GALNT18: variants seen among roughly 807,000 people sequenced by gnomAD.
GALNT18 encodes the protein GalNAc-transferase 18.
GALNT18 carries 44 observed loss-of-function variants against 69.5 expected under a neutral mutation model. The observed-to-expected ratio is 0.63, with a 90% CI of 0.50 to 0.81. The LOEUF (loss-of-function observed/expected upper bound fraction) is 0.81, where lower values mean the gene tolerates loss of function less well. Ranked by LOEUF, GALNT18 falls within the 40% of genes least tolerant of loss-of-function variation. The probability of loss-of-function intolerance (pLI) is 0.00; values close to 1 mark genes in which losing one functional copy is unlikely to be tolerated. For synonymous variants in GALNT18, 364 were observed against 318.2 expected (o/e 1.14, Z -1.53); for missense variants, 715 against 810.0 (o/e 0.88, Z 1.42).
chr11:11,608,436 T>C (rs1251766443), intron 1 of GALNT18, among the ~76,000 whole-genome samples: 1 of 152,016 alleles, frequency 6.6e-6, no homozygotes, highest in African/African-American at 2.4e-5. Context: ...CTCGGCTCAC[T>C]GCAACCTCCG....
chr11:11,478,781 A>C (rs980206046), intron 1 of GALNT18, among the ~76,000 whole-genome samples: 1 of 142,124 alleles, frequency 7.0e-6, no homozygotes, highest in African/African-American at 2.7e-5. Flanking sequence ...GAGCAGGCTG[A>C]CTCCTGCAAG....
chr11:11,335,463 G>A (rs1471548897), intron 7 of GALNT18, among the ~76,000 whole-genome samples: 1 of 152,168 alleles, frequency 6.6e-6, no homozygotes, highest in African/African-American at 2.4e-5. Context: ...CTCTGAGAAG[G>A]TCACCTTGGC....
chr11:11,535,575 C>T (rs1564999245), intron 1 of GALNT18, among the ~76,000 whole-genome samples: 1 of 152,136 alleles, frequency 6.6e-6, no homozygotes, highest in Non-Finnish European at 1.5e-5. Flanking sequence ...TAAGCTCATG[C>T]CAGCTCCTTC....
intron 6 of GALNT18, among the ~76,000 whole-genome samples, chr11:11,357,969 G>A (rs982369001): frequency 1.3e-5 from 2 of 152,166 alleles, no homozygotes; most frequent in African/African-American, 4.8e-5. Flanking sequence ...GCCTGTTTGA[G>A]TTCTGAAATG....
At chr11:11,385,319 A>G (rs973892547) in intron 3 of GALNT18, among the ~76,000 whole-genome samples, 37 of 148,956 alleles carry the variant, frequency 2.5e-4, no homozygotes, top group Admixed American at 4.0e-4. Flanking sequence ...TTTTTGAGAC[A>G]GAGTCTCGCT....
chr11:11,290,128 T>G (rs1313385898), intron 10 of GALNT18, among the ~76,000 whole-genome samples: 1 of 152,160 alleles, frequency 6.6e-6, no homozygotes, highest in African/African-American at 2.4e-5. Flanking sequence ...GATTGAGGAC[T>G]CCTGGTGATG....
intron 9 of GALNT18, among the ~76,000 whole-genome samples, chr11:11,324,397 G>A (rs1178527017): frequency 6.6e-6 from 1 of 152,182 alleles, no homozygotes; most frequent in Admixed American, 6.5e-5. Context: ...ACTGGCCATA[G>A]TCCAAGTGTC....
In GALNT18 at chr11:11,586,545, G is replaced by C. The variant is rs1384053666; in HGVS notation, c.235+34814C>G. 6.6e-6 allele frequency among the ~76,000 whole-genome samples: 1 copy of C among 152,130 alleles called. No homozygotes were observed. Among genetic ancestry groups the C allele is most frequent in the African/African-American group, 2.4e-5 (1 of 41,406 alleles). On this transcript the variant is annotated intron_variant, in intron 1 of 10. Coordinates refer to ENST00000227756, the MANE Select transcript of GALNT18 (RefSeq NM_198516.3). This position sits in a 1 kb window ranked among gnomAD's most constrained non-coding sequence, Gnocchi z 4.1. ...GCCTCTGTGAAGTGAGATCTTCCCTGTTGACAGGCAGAAACCACCAGGAAC... is the reference window on the plus strand; with the variant it reads ...GCCTCTGTGAAGTGAGATCTTCCCTCTTGACAGGCAGAAACCACCAGGAAC...
At chr11:11,551,869 G>C (rs2133970077) in intron 1 of GALNT18, among the ~76,000 whole-genome samples, 1 of 152,294 alleles carries the variant, frequency 6.6e-6, no homozygotes, top group East Asian at 1.9e-4. Flanking sequence ...TCTGCGAGCA[G>C]GGGGTGGATC....
At chr11:11,531,407 TCAGA>T (rs1372277579) in intron 1 of GALNT18, among the ~76,000 whole-genome samples, 2 of 152,180 alleles carry the variant, frequency 1.3e-5, no homozygotes, top group Non-Finnish European at 2.9e-5. Flanking sequence ...AGGAAGAAGC[TCAGA>T]CAATCTGTGC....
rs552090631 is a variant in GALNT18, at chr11:11,332,138, C to T, written c.1416+556G>A. 1.3e-5 allele frequency among the ~76,000 whole-genome samples: 2 copies of T among 152,252 alleles called. No homozygotes were observed. Among genetic ancestry groups the T allele is most frequent in the African/African-American group, 4.8e-5 (2 of 41,532 alleles). On this transcript the variant is annotated intron_variant, in intron 8 of 10. Transcript: ENST00000227756. The surrounding 1 kb of genome is among the most constrained non-coding windows in gnomAD (Gnocchi z 4.3). ...TAAGATTTGAACCAGGTCTGTCTAACTCCAAACCCTATGCTCTGCCCCCTC... is the reference window on the plus strand; with the variant it reads ...TAAGATTTGAACCAGGTCTGTCTAATTCCAAACCCTATGCTCTGCCCCCTC...
chr11:11,275,747 A>G (rs1848930384), intron 10 of GALNT18, among the ~76,000 whole-genome samples: 2 of 152,232 alleles, frequency 1.3e-5, no homozygotes, highest in African/African-American at 4.8e-5. Context: ...AGTTTTCTGC[A>G]TATGGCTAGC....
rs1850149701 is a variant in GALNT18 at position 11,338,439 on chromosome 11, T to G, written c.1278+2380A>C. On this transcript the variant is annotated intron_variant, in intron 7 of 10. Transcript: ENST00000227756. This position sits in a 1 kb window ranked among gnomAD's most constrained non-coding sequence, Gnocchi z 5.3. The stretch of plus-strand genomic sequence containing the variant: ...GCCTGAATGCAGACATGAGGGGAGG[T>G]CGGGGTGGGAAGGAGGGCTTGTGAT... Among the ~76,000 whole-genome samples the G allele has an allele frequency of 6.6e-6, 1 of 151,000 alleles. No individual in the cohort carries two copies. Among genetic ancestry groups the G allele is most frequent in the South Asian group, 2.1e-4 (1 of 4,734 alleles).
In GALNT18 at chr11:11,480,117, G is replaced by C. The variant is rs750762082; in HGVS notation, c.236-31181C>G. ...TGCTATTTGTCACCTTCCCTACCTT[G>C]AGCTTCAACTTCCTTTTATTCAATA... On this transcript the variant is annotated intron_variant, in intron 1 of 10. Coordinates refer to ENST00000227756, the MANE Select transcript of GALNT18 (RefSeq NM_198516.3). This position sits in a 1 kb window ranked among gnomAD's most constrained non-coding sequence, Gnocchi z 4.6. 1.3e-5 allele frequency among the ~76,000 whole-genome samples: 2 copies of C among 152,090 alleles called. No individual in the cohort carries two copies. The highest frequency in any genetic ancestry group is 3.2e-3 in the Middle Eastern group (1 of 316).
Position 11,621,335 on chromosome 11 carries a change from C to T in GALNT18, c.235+24G>A, listed in dbSNP as rs756111425. On this transcript the variant is annotated intron_variant, in intron 1 of 10. Coordinates refer to ENST00000227756, the MANE Select transcript of GALNT18 (RefSeq NM_198516.3). The surrounding 1 kb of genome is among the most constrained non-coding windows in gnomAD (Gnocchi z 9.3). Reference sequence around the variant, plus strand: ...GGGCACTCCCGGGCCTCATGGGCGACCCAAGTTTCCGGGGCGCCCGTACCT... The same window carrying T: ...GGGCACTCCCGGGCCTCATGGGCGATCCAAGTTTCCGGGGCGCCCGTACCT... The T allele has an allele frequency of 1.2e-6, 2 of 1,605,900 alleles. No homozygotes were observed. Among genetic ancestry groups the T allele is most frequent in the South Asian group, 2.2e-5 (2 of 90,776 alleles).
rs74379061 is a variant in GALNT18, at chr11:11,383,527, G to T, written c.596-4263C>A. On this transcript the variant is annotated intron_variant, in intron 3 of 10. Coordinates refer to ENST00000227756, the MANE Select transcript of GALNT18 (RefSeq NM_198516.3). This position sits in a 1 kb window ranked among gnomAD's most constrained non-coding sequence, Gnocchi z 5.2. ...CCTATAGGCTTGCTGTGGAGAACCG[G>T]GCAGAGTCCTCACCTCTCCCTCAAG... Among the ~76,000 whole-genome samples the T allele has an allele frequency of 2.6e-5, 4 of 152,132 alleles. No individual in the cohort carries two copies. Among genetic ancestry groups the T allele is most frequent in the Non-Finnish European group, 5.9e-5 (4 of 68,014 alleles).
chr11:11,339,378 G>A lies in GALNT18; in HGVS notation c.1278+1441C>T, dbSNP rs1850162971. ...GCATTTCAACACCTGTCAGCTGCAA[G>A]GGGGAGAGGGCTAGAAGTTTTGCAG... On this transcript the variant is annotated intron_variant, in intron 7 of 10. Transcript: ENST00000227756. This position sits in a 1 kb window ranked among gnomAD's most constrained non-coding sequence, Gnocchi z 5.2. Among the ~76,000 whole-genome samples, 1 of 152,172 alleles carries A rather than the reference G, an allele frequency of 6.6e-6. No individual in the cohort carries two copies. The highest frequency in any genetic ancestry group is 2.4e-5 in the African/African-American group (1 of 41,446).
intron 10 of GALNT18, among the ~76,000 whole-genome samples, chr11:11,290,198 C>T (rs1211502918): frequency 6.6e-6 from 1 of 152,190 alleles, no homozygotes; most frequent in Non-Finnish European, 1.5e-5. Flanking sequence ...GCCTTAGAGC[C>T]TGTGCTAAGA....
chr11:11,291,179 A>G (rs1386451182), intron 10 of GALNT18, among the ~76,000 whole-genome samples: 2 of 152,224 alleles, frequency 1.3e-5, no homozygotes, highest in East Asian at 3.9e-4. Flanking sequence ...AGTCAGCAGT[A>G]GCTCCCAGCT....
Sources: allele counts gnomAD v4.1 joint callset (sites outside exome capture counted in the v4.1 genomes callset), GRCh38; gene constraint gnomAD v4.1.1; non-coding constraint Gnocchi (gnomAD v3.1); transcripts MANE v1.5; gene names NCBI Gene and HGNC (gene_info 2026-07-23, HGNC 2026-07-21).